Variants in GRM7 observed in about 807,000 individuals in gnomAD.
GRM7 encodes glutamate metabotropic receptor 7, also known as metabotropic glutamate receptor 7.
GRM7 carries 35 observed loss-of-function variants against 84.5 expected under a neutral mutation model. The observed-to-expected ratio is 0.41, with a 90% CI of 0.32 to 0.55. GRM7 has a LOEUF of 0.55. Ranked by LOEUF, GRM7 falls within the 20% of genes least tolerant of loss-of-function variation. The pLI, the probability that GRM7 is intolerant of heterozygous loss-of-function variation, is 0.19. For missense variants in GRM7, 1,003 were observed against 1,194.6 expected (o/e 0.84, Z 2.36); for synonymous variants, 487 against 455.1 (o/e 1.07, Z -0.89).
At chr3:7,603,200 T>G (rs1696405578) in intron 8 of GRM7, among the ~76,000 whole-genome samples, 1 of 152,108 alleles carries the variant, frequency 6.6e-6, no homozygotes, top group Non-Finnish European at 1.5e-5. Flanking sequence ...TAGATTTCTT[T>G]CCCAAAGAGC....
chr3:7,441,636 A>G (rs1408505762), intron 5 of GRM7, among the ~76,000 whole-genome samples: 1 of 152,052 alleles, frequency 6.6e-6, no homozygotes, highest in Non-Finnish European at 1.5e-5. Context: ...AGTTTTTAAT[A>G]TATCTTGGGT....
chr3:7,030,728 T>C (rs1240204055), intron 1 of GRM7, among the ~76,000 whole-genome samples: 1 of 152,196 alleles, frequency 6.6e-6, no homozygotes, highest in East Asian at 1.9e-4. Context: ...ATGATAATGA[T>C]TTGGAATTTA....
chr3:7,011,834 A>G (rs1427794880), intron 1 of GRM7, among the ~76,000 whole-genome samples: 3 of 152,338 alleles, frequency 2.0e-5, no homozygotes, highest in Admixed American at 6.5e-5. Context: ...TGTAATAGAA[A>G]CAGTGGGAAA....
intron 8 of GRM7, among the ~76,000 whole-genome samples, chr3:7,612,571 A>G (rs1696893259): frequency 6.6e-6 from 1 of 152,184 alleles, no homozygotes; most frequent in Non-Finnish European, 1.5e-5. Flanking sequence ...CTTGGAGAAG[A>G]TAAGGAAGCT....
At chr3:7,443,780 T>C (rs1174396631) in intron 5 of GRM7, among the ~76,000 whole-genome samples, 1 of 152,180 alleles carries the variant, frequency 6.6e-6, no homozygotes, top group Non-Finnish European at 1.5e-5. Flanking sequence ...TTGTGTGTTA[T>C]TAACATAAGA....
In GRM7 at chr3:7,237,726, G is replaced by A. The variant is rs538741402; in HGVS notation, c.737-60958G>A. Among the ~76,000 whole-genome samples the A allele has an allele frequency of 6.4e-4, 97 of 152,298 alleles. 1 individual carries two copies. Among genetic ancestry groups the A allele is most frequent in the South Asian group, 1.0e-3 (5 of 4,830 alleles). ...AGTGAAAGAACAAAGCTTCCACAGC[G>A]TGGAAGTGGACCCGAGTGGGTTGCC... On this transcript the variant is annotated intron_variant, in intron 2 of 9. Transcript: ENST00000357716.
intron 4 of GRM7, among the ~76,000 whole-genome samples, chr3:7,355,441 G>A (rs897097387): frequency 1.3e-5 from 2 of 152,140 alleles, no homozygotes; most frequent in Non-Finnish European, 2.9e-5. Flanking sequence ...GGTGCTTGTA[G>A]TGTCAGTGCC....
intron 1 of GRM7, among the ~76,000 whole-genome samples, chr3:6,932,915 C>A (rs975721730): frequency 6.6e-6 from 1 of 151,702 alleles, no homozygotes; most frequent in Non-Finnish European, 1.5e-5. Context: ...CCACCATGCC[C>A]GGCTAATTTT....
At chr3:7,134,851 A>G (rs1399607808) in intron 1 of GRM7, among the ~76,000 whole-genome samples, 2 of 152,196 alleles carry the variant, frequency 1.3e-5, no homozygotes, top group Admixed American at 6.5e-5. Context: ...ATAAAATACC[A>G]CATATAACAA....
At chr3:7,216,348 A>T (rs963673083) in intron 2 of GRM7, among the ~76,000 whole-genome samples, 1 of 152,222 alleles carries the variant, frequency 6.6e-6, no homozygotes, top group African/African-American at 2.4e-5. Flanking sequence ...AATTGACTAA[A>T]GGCAAGTATA....
At position 7,146,372 on chromosome 3, in the gene GRM7, T is replaced by C. The variant is rs548966222; in HGVS notation, c.520-80T>C. On this transcript the variant is annotated intron_variant, in intron 1 of 9. Coordinates refer to ENST00000357716, the MANE Select transcript of GRM7 (RefSeq NM_000844.4). ...CCTTTGCAGCTCAAACCCTGTATTT[T>C]AAGTAAACTGTCATAAGTATAAATG... 949 of 1,117,392 alleles carry C rather than the reference T, an allele frequency of 8.5e-4. 15 individuals carry two copies. In the South Asian group the frequency reaches 0.011, roughly 13 times the overall value. 69.2% of individuals were successfully genotyped at this position (1,117,392 alleles called of 1,614,324 possible).
intron 1 of GRM7, among the ~76,000 whole-genome samples, chr3:6,980,830 G>T (rs1010497478): frequency 2.0e-5 from 3 of 152,196 alleles, no homozygotes; most frequent in Non-Finnish European, 4.4e-5. Flanking sequence ...ACAAAAGATG[G>T]ACAGTAAAGT....
chr3:7,729,106 C>G (rs1324938400), intron 9 of GRM7, among the ~76,000 whole-genome samples: 3 of 150,406 alleles, frequency 2.0e-5, no homozygotes, highest in Non-Finnish European at 4.4e-5. Context: ...AGTTGATTCT[C>G]AGTATCAGTA....
At chr3:7,140,544 T>A (rs1029704824) in intron 1 of GRM7, among the ~76,000 whole-genome samples, 49 of 152,172 alleles carry the variant, frequency 3.2e-4, no homozygotes, top group African/African-American at 1.2e-3. Context: ...TGTCATAGGT[T>A]CTTTATTTGT....
intron 1 of GRM7, among the ~76,000 whole-genome samples, chr3:7,054,635 A>C (rs1697147496): frequency 6.6e-6 from 1 of 151,842 alleles, no homozygotes; most frequent in Admixed American, 6.6e-5. Context: ...TCTATTTTTA[A>C]TCATAATGGA....
At chr3:6,966,382 C>T (rs1347906107) in intron 1 of GRM7, among the ~76,000 whole-genome samples, 2 of 152,152 alleles carry the variant, frequency 1.3e-5, no homozygotes, top group Admixed American at 6.5e-5. Context: ...TGGACTAGTA[C>T]TTCTGAGATC....
chr3:6,943,294 C>T (rs73019755), intron 1 of GRM7, among the ~76,000 whole-genome samples: 10,915 of 151,352 alleles, frequency 0.072, 521 homozygotes, highest in Non-Finnish European at 0.11. Flanking sequence ...AATCTTTGCC[C>T]AATATTTTCT....
chr3:7,406,796 A>T (rs1288781295), intron 4 of GRM7, among the ~76,000 whole-genome samples: 1 of 152,194 alleles, frequency 6.6e-6, no homozygotes, highest in Non-Finnish European at 1.5e-5. Context: ...TCCTTTTTCC[A>T]TTAGGATAAA....
intron 4 of GRM7, among the ~76,000 whole-genome samples, chr3:7,374,418 A>G (rs1694260481): frequency 6.6e-6 from 1 of 151,846 alleles, no homozygotes; most frequent in African/African-American, 2.4e-5. Flanking sequence ...GCCTCTAGCA[A>G]TCATCCCACC....
Sources: gnomAD v4.1 joint callset for allele counts (sites outside exome capture counted in the v4.1 genomes callset) on GRCh38, gnomAD v4.1.1 for gene constraint, MANE v1.5 for transcripts, NCBI Gene and HGNC (gene_info 2026-07-23, HGNC 2026-07-21) for gene names.